Variants in SORCS2 observed in about 807,000 individuals in gnomAD.
SORCS2 encodes the protein sortilin related VPS10 domain containing receptor 2.
In SORCS2, 100 loss-of-function variants were observed where a neutral mutation model predicts 141.6. That is an observed-to-expected ratio of 0.71 (90% CI 0.60 to 0.83). The LOEUF is 0.83. Among genes scored for constraint, SORCS2 ranks in the 40% least tolerant of loss-of-function variants. SORCS2 has a pLI of 0.00. For missense variants in SORCS2, 1,646 were observed against 1,560.2 expected, an observed-to-expected ratio of 1.05 and a Z score of -0.93; for synonymous variants, 789 against 676.9, an observed-to-expected ratio of 1.17 and a Z score of -2.57.
intron 21 of SORCS2, among the ~76,000 whole-genome samples, chr4:7,727,366 G>T (rs147522241): frequency 2.0e-5 from 3 of 152,160 alleles, no homozygotes; most frequent in Admixed American, 1.3e-4. Context: ...GTGCTCACTG[G>T]GGGCTCTTAG....
chr4:7,562,635 A>C lies in SORCS2; in HGVS notation c.648+31006A>C, dbSNP rs75900125. The stretch of plus-strand genomic sequence containing the variant: ...TCTGTGTCCCATGGCTGCCATAATG[A>C]AGGACCACAGATTGGATGGCTTAAA... On this transcript the variant is annotated intron_variant, in intron 3 of 26. Transcript: ENST00000507866. Among the ~76,000 whole-genome samples, 1,473 of 152,282 alleles carry C rather than the reference A, an allele frequency of 9.7e-3. 21 individuals are homozygous for C. Among genetic ancestry groups the C allele is most frequent in the African/African-American group, 0.027 (1,142 of 41,542 alleles).
At chr4:7,257,970 G>T (rs1001490057) in intron 1 of SORCS2, among the ~76,000 whole-genome samples, 20 of 152,090 alleles carry the variant, frequency 1.3e-4, no homozygotes, top group African/African-American at 4.8e-4. Flanking sequence ...AGCTCCACTG[G>T]CCAGCCCTGG....
At chr4:7,389,112 T>G (rs1723693350) in intron 1 of SORCS2, among the ~76,000 whole-genome samples, 1 of 152,196 alleles carries the variant, frequency 6.6e-6, no homozygotes, top group Non-Finnish European at 1.5e-5. Flanking sequence ...GGAAAGCGGC[T>G]TGTTGGTGAA....
chr4:7,468,809 G>A (rs1442585075), intron 2 of SORCS2, among the ~76,000 whole-genome samples: 1 of 152,134 alleles, frequency 6.6e-6, no homozygotes, highest in Non-Finnish European at 1.5e-5. Flanking sequence ...GACATTCGGG[G>A]GTTTGGGTCT....
At chr4:7,246,067 C>T (rs986159974) in intron 1 of SORCS2, among the ~76,000 whole-genome samples, 2 of 152,172 alleles carry the variant, frequency 1.3e-5, no homozygotes, top group African/African-American at 4.8e-5. Context: ...TCTGGGAATT[C>T]CCTGAGACTC....
chr4:7,711,972 C>T (rs1725849864), intron 14 of SORCS2, among the ~76,000 whole-genome samples: 1 of 152,156 alleles, frequency 6.6e-6, no homozygotes, highest in Non-Finnish European at 1.5e-5. Context: ...CTCAGCCACA[C>T]TCAGGGAGTG....
At chr4:7,571,196 A>G (rs1486761914) in intron 3 of SORCS2, among the ~76,000 whole-genome samples, 1 of 152,228 alleles carries the variant, frequency 6.6e-6, no homozygotes, top group African/African-American at 2.4e-5. Context: ...GTTTTTCCGC[A>G]GATGCTCTCT....
rs1727010810 is a variant in SORCS2, at chr4:7,193,826, G to A, written c.480+700G>A. 6.6e-6 allele frequency among the ~76,000 whole-genome samples: 1 copy of A among 152,086 alleles called. No individual in the cohort carries two copies. The highest frequency in any genetic ancestry group is 2.4e-5 in the African/African-American group (1 of 41,398). On this transcript the variant is annotated intron_variant, in intron 1 of 26. Coordinates refer to ENST00000507866, the MANE Select transcript of SORCS2 (RefSeq NM_020777.3). This position sits in a 1 kb window ranked among gnomAD's most constrained non-coding sequence, Gnocchi z 4.8. Reference sequence around the variant, plus strand: ...CTCCCTGCCCTCCCCCCACCTTCCCGGCTACTCTGGCTTTGCTCCAGCTGG... The same window carrying A: ...CTCCCTGCCCTCCCCCCACCTTCCCAGCTACTCTGGCTTTGCTCCAGCTGG...
chr4:7,638,639 T>C (rs1404750505), intron 4 of SORCS2, 147 bp downstream of exon 4: 5 of 813,748 alleles, frequency 6.1e-6, no homozygotes, highest in African/African-American at 3.6e-5. Context: ...GCCGGGATGC[T>C]GGACCCCGTC....
chr4:7,340,920 T>A (rs1383007059), intron 1 of SORCS2, among the ~76,000 whole-genome samples: 1 of 152,164 alleles, frequency 6.6e-6, no homozygotes, highest in Non-Finnish European at 1.5e-5. Context: ...TCCTCCCTCA[T>A]CCCTGAGCCC....
intron 1 of SORCS2, among the ~76,000 whole-genome samples, chr4:7,297,276 A>T (rs972086950): frequency 6.6e-6 from 1 of 152,080 alleles, no homozygotes; most frequent in Non-Finnish European, 1.5e-5. Flanking sequence ...TGAGGGAGGA[A>T]TCGGTGAATG....
chr4:7,599,738 G>A (rs1717529837), intron 3 of SORCS2, among the ~76,000 whole-genome samples: 1 of 152,162 alleles, frequency 6.6e-6, no homozygotes, highest in South Asian at 2.1e-4. Flanking sequence ...TGAAATTGCA[G>A]GGCAGGTGTG....
chr4:7,317,218 T>C (rs1297472978), intron 1 of SORCS2, among the ~76,000 whole-genome samples: 1 of 152,114 alleles, frequency 6.6e-6, no homozygotes, highest in African/African-American at 2.4e-5. Context: ...CCGGTGACTA[T>C]AGTGATCATA....
intron 3 of SORCS2, among the ~76,000 whole-genome samples, chr4:7,635,395 A>C (rs1269831170): frequency 6.6e-6 from 1 of 152,144 alleles, no homozygotes; most frequent in Non-Finnish European, 1.5e-5. Flanking sequence ...CTATTCTATC[A>C]AAGTAAAAAA....
At chr4:7,689,811 T>C (rs746018399) in intron 11 of SORCS2, among the ~76,000 whole-genome samples, 1 of 152,192 alleles carries the variant, frequency 6.6e-6, no homozygotes, top group Non-Finnish European at 1.5e-5. Flanking sequence ...AATGGAAAGA[T>C]GGACAGATGG....
chr4:7,453,661 G>A (rs1728652941), intron 2 of SORCS2, among the ~76,000 whole-genome samples: 1 of 129,508 alleles, frequency 7.7e-6, no homozygotes, highest in East Asian at 2.5e-4. Flanking sequence ...GGGGTCAGGA[G>A]CTGTGTGTTG....
intron 2 of SORCS2, among the ~76,000 whole-genome samples, chr4:7,402,762 T>A (rs1724679070): frequency 6.6e-6 from 1 of 152,166 alleles, no homozygotes; most frequent in Admixed American, 6.5e-5. Flanking sequence ...CTCAAGTGGG[T>A]GTGAGATTAC....
At chr4:7,282,127 G>A (rs1009034135) in intron 1 of SORCS2, among the ~76,000 whole-genome samples, 10 of 152,304 alleles carry the variant, frequency 6.6e-5, no homozygotes, top group East Asian at 1.9e-4. Flanking sequence ...ACTCAGCCCC[G>A]GGCCACCTTC....
intron 3 of SORCS2, among the ~76,000 whole-genome samples, chr4:7,576,625 C>T (rs559094895): frequency 1.1e-4 from 17 of 152,256 alleles, no homozygotes; most frequent in South Asian, 2.1e-4. Flanking sequence ...TGATCTAAGA[C>T]GTGGTGACAG....
Sources: allele counts gnomAD v4.1 joint callset (sites outside exome capture counted in the v4.1 genomes callset), GRCh38; gene constraint gnomAD v4.1.1; non-coding constraint Gnocchi (gnomAD v3.1); transcripts MANE v1.5; gene names NCBI Gene and HGNC (gene_info 2026-07-23, HGNC 2026-07-21).